KIAA1210: variants seen among roughly 807,000 people sequenced by gnomAD.
KIAA1210 encodes acrosomal protein KIAA1210.
KIAA1210 carries 48 observed loss-of-function variants against 78.9 expected under a neutral mutation model. The ratio of observed to expected loss-of-function variants is 0.61; its 90% CI spans 0.48 to 0.77. The LOEUF (loss-of-function observed/expected upper bound fraction) is 0.77. KIAA1210 is among the 30% of genes least tolerant of loss of function. The probability of loss-of-function intolerance (pLI) is 0.00; values close to 1 mark genes in which losing one functional copy is unlikely to be tolerated. For synonymous variants in KIAA1210, 406 were observed against 404.5 expected (o/e 1.00, Z -0.04); for missense variants, 1,108 against 1,100.0 (o/e 1.01, Z -0.10).
chrX:119,087,388 G>C lies in KIAA1210; in HGVS notation c.3314C>G (p.Ala1105Gly). The change falls in exon 9 of 12, where the codon GCT becomes GGT. Residue 1105 changes from alanine (A) to glycine (G), a missense_variant. Transcript: ENST00000691062. The stretch of plus-strand genomic sequence containing the variant: ...TTTAAAACTGCTGCACTTCCCAGGA[G>C]CTCTCTCTGAATAAGAGAAAACTTT... ...PQKVFSYSERAPGKCSSFKEQ... is the reference protein window; with the variant it reads ...PQKVFSYSERGPGKCSSFKEQ... The C allele has an allele frequency of 8.3e-7, 1 of 1,211,358 alleles. No homozygotes were observed. Among genetic ancestry groups the C allele is most frequent in the Non-Finnish European group, 1.1e-6 (1 of 895,138 alleles).
At position 119,116,748 on chromosome X, in the gene KIAA1210, G is replaced by A. The variant is rs773221424; in HGVS notation, c.62-84C>T. On this transcript the variant is annotated intron_variant, in intron 2 of 11. Coordinates refer to ENST00000691062, the MANE Select transcript of KIAA1210 (RefSeq NM_001394962.1). ...GAAAAAGAGCCTTCATGAGAGGAAA[G>A]AGGACCATGATCCCACCCAGGTGTC... is the stretch of plus-strand genomic sequence containing the variant. 33 of 869,954 alleles carry A rather than the reference G, an allele frequency of 3.8e-5. No homozygotes were observed. The South Asian group carries it at 7.2e-4, about 19-fold the overall frequency. The allele number at this position is 869,954 out of a possible 1,213,427, so 71.7% of individuals were successfully genotyped here.
In KIAA1210 at chrX:119,088,341, A is replaced by G; in HGVS notation, c.2361T>C (p.Val787=). The G allele has an allele frequency of 4.1e-6, 5 of 1,210,777 alleles. No individual in the cohort carries two copies. The highest frequency in any genetic ancestry group is 5.6e-6 in the Non-Finnish European group (5 of 895,079). ...PWVNPKVEQE[V]SSSPKSMAVE... Reference sequence around the variant, plus strand: ...CAGCCATGCTCTTTGGAGATGAGGAAACTTCTTGCTCCACTTTAGGGTTCA... The same window carrying G: ...CAGCCATGCTCTTTGGAGATGAGGAGACTTCTTGCTCCACTTTAGGGTTCA... The change falls in exon 9 of 12, where the codon GTT becomes GTC. Residue 787 remains valine (V), a synonymous_variant. Transcript: ENST00000691062.
At chrX:119,113,209 A>G (rs1254726401) in intron 3 of KIAA1210, among the ~76,000 whole-genome samples, 1 of 111,281 alleles carries the variant, frequency 9.0e-6, no homozygotes, top group Non-Finnish European at 1.9e-5. Context: ...GGACTGGTCA[A>G]TGGGTACAGG....
chrX:119,123,677 A>T (rs998530452), intron 1 of KIAA1210, 25 bp from the exon 2 acceptor site: 14 of 1,050,036 alleles, frequency 1.3e-5, no homozygotes, highest in Non-Finnish European at 1.7e-5. Flanking sequence ...AAAGCAAAAA[A>T]GCAAAATATC....
At chrX:119,127,543 C>T (rs1928682151) in intron 1 of KIAA1210, among the ~76,000 whole-genome samples, 184 bp downstream of exon 1, 1 of 111,059 alleles carries the variant, frequency 9.0e-6, no homozygotes, top group Non-Finnish European at 1.9e-5. Flanking sequence ...TTAGCAGGCA[C>T]TCTGTTGACA....
chrX:119,088,551 A>G lies in KIAA1210; in HGVS notation c.2151T>C (p.Ser717=). 4 of 1,211,302 alleles carry G rather than the reference A, an allele frequency of 3.3e-6. No homozygotes were observed. The highest frequency in any genetic ancestry group is 4.5e-6 in the Non-Finnish European group (4 of 895,199). The change falls in exon 9 of 12, where the codon TCT becomes TCC. Residue 717 remains serine, a synonymous_variant. Transcript: ENST00000691062. ...GCTCTTCAGGAGTATTATTTGAAGC[A>G]GAGGAGACTTCTTGTTGGTTTTTGG... The part of the protein sequence containing the change: ...GKPKNQQEVS[S]ASNNTPEEQN...
chrX:119,128,863 C>T (rs185982106), upstream of KIAA1210, among the ~76,000 whole-genome samples: 290 of 110,495 alleles, frequency 2.6e-3, 1 homozygote, highest in Non-Finnish European at 4.8e-3. Flanking sequence ...TTAGTAGAGA[C>T]GGGGTTTCTC....
Position 119,087,896 on chromosome X carries a change from C to T in KIAA1210, c.2806G>A (p.Asp936Asn). 8.3e-7 allele frequency: 1 copy of T among 1,211,791 alleles called. No homozygotes were observed. The highest frequency in any genetic ancestry group is 1.1e-6 in the Non-Finnish European group (1 of 895,467). The change falls in exon 9 of 12, where the codon GAC becomes AAC. Residue 936 changes from aspartate to asparagine, a missense_variant. By Grantham distance (23) the Asp-to-Asn change is conservative (BLOSUM62 1). Around this residue, in one of 5 missense-constraint regions of KIAA1210, gnomAD observed 179 missense variants for 174.1 expected, o/e 1.03. Coordinates refer to ENST00000691062, the MANE Select transcript of KIAA1210 (RefSeq NM_001394962.1). The stretch of plus-strand genomic sequence containing the variant: ...GGAAGCAGCTGCTCCTTAGAAATGT[C>T]CTCTTCAACAGTAGTGCTTTCTGGA... ...AHPESTTVEE[D>N]ISKEQLLPRH...
intron 2 of KIAA1210, among the ~76,000 whole-genome samples, chrX:119,135,597 C>G (rs1178531732): frequency 9.0e-6 from 1 of 111,633 alleles, no homozygotes; most frequent in Non-Finnish European, 1.9e-5. Flanking sequence ...GAGCTCTGCC[C>G]CCAAATGCTC....
At position 119,087,204 on chromosome X, in the gene KIAA1210, G is replaced by C; in HGVS notation, c.3498C>G (p.Phe1166Leu). 8.3e-7 allele frequency: 1 copy of C among 1,211,614 alleles called. No individual in the cohort carries two copies. The highest frequency in any genetic ancestry group is 1.1e-6 in the Non-Finnish European group (1 of 895,412). Reference protein sequence around the residue: ...HSSQASDRSKFQPQMSSKGPV... With the variant: ...HSSQASDRSKLQPQMSSKGPV... ...GGCCCTTTGATGACATCTGTGGCTG[G>C]AATTTAGACCTATCTGAGGCTTGGG... The change falls in exon 9 of 12, where the codon TTC (phenylalanine) becomes TTG (leucine). Residue 1166 changes from phenylalanine to leucine, a missense_variant. Phe to Leu is a conservative substitution (Grantham distance 22). Transcript: ENST00000691062.
In KIAA1210 at chrX:119,116,508, G is replaced by A; in HGVS notation, c.218C>T (p.Pro73Leu). 1 of 1,211,002 alleles carries A rather than the reference G, an allele frequency of 8.3e-7. No homozygotes were observed. Among genetic ancestry groups the A allele is most frequent in the Non-Finnish European group, 1.1e-6 (1 of 895,064 alleles). Residue 73 changes from proline to leucine, a missense_variant, in exon 3 of 12, where the codon CCA (proline) becomes CTA (leucine). By Grantham distance (98) the Pro-to-Leu change is moderately conservative. Transcript: ENST00000691062. ...SSLQPVRENQPTKARAKSSMG... is the reference protein window; with the variant it reads ...SSLQPVRENQLTKARAKSSMG... ...CATCTGAGCTCACCTGGCCTTAGTTGGTTGATTTTCCCGAACGGGCTGCAG... is the reference window on the plus strand; with the variant it reads ...CATCTGAGCTCACCTGGCCTTAGTTAGTTGATTTTCCCGAACGGGCTGCAG...
At chrX:119,137,426 C>G (rs1204479593) in intron 2 of KIAA1210, among the ~76,000 whole-genome samples, 1 of 112,653 alleles carries the variant, frequency 8.9e-6, no homozygotes, top group Non-Finnish European at 1.9e-5. Flanking sequence ...TTACAAAGCC[C>G]GCGTCCTGAA....
At position 119,087,717 on chromosome X, in the gene KIAA1210, G is replaced by A. The variant is rs1927202034; in HGVS notation, c.2985C>T (p.Thr995=). Reference sequence around the variant, plus strand: ...CAACAGCCATTTTCTCTAGTCGTGAGGTCATTTCCTGAACTTTAGACCTCT... The same window carrying A: ...CAACAGCCATTTTCTCTAGTCGTGAAGTCATTTCCTGAACTTTAGACCTCT... The part of the protein sequence containing the change: ...FLKRSKVQEM[T]SRLEKMAVEG... Residue 995 remains threonine (T), a synonymous_variant, in exon 9 of 12, where the codon ACC becomes ACT. Coordinates refer to ENST00000691062, the MANE Select transcript of KIAA1210 (RefSeq NM_001394962.1). 3.3e-6 allele frequency: 4 copies of A among 1,209,932 alleles called. No individual in the cohort carries two copies. In the South Asian group the frequency reaches 7.0e-5, roughly 21 times the overall value.
At chrX:119,148,059 G>A (rs1162507919) in intron 1 of KIAA1210, among the ~76,000 whole-genome samples, 1 of 111,395 alleles carries the variant, frequency 9.0e-6, no homozygotes, top group African/African-American at 3.3e-5. Context: ...AGGATCACTT[G>A]AGCCCAGGAG....
intron 2 of KIAA1210, among the ~76,000 whole-genome samples, chrX:119,121,904 G>A (rs1569320952): frequency 9.1e-6 from 1 of 109,481 alleles, no homozygotes; most frequent in Non-Finnish European, 1.9e-5. Flanking sequence ...AAGAAGCTGG[G>A]ACTACAGGCA....
At chrX:119,134,696 C>T (rs868380058) in intron 2 of KIAA1210, among the ~76,000 whole-genome samples, 2 of 112,066 alleles carry the variant, frequency 1.8e-5, no homozygotes, top group Middle Eastern at 4.6e-3. Flanking sequence ...CTCTCCACCT[C>T]GCCATCACGA....
rs749102429 is a variant in KIAA1210, at chrX:119,089,174, A to G, written c.1528T>C (p.Ser510Pro). 8.3e-7 allele frequency: 1 copy of G among 1,210,755 alleles called. No individual in the cohort carries two copies. The change falls in exon 9 of 12, where the codon TCA (serine) becomes CCA (proline). Residue 510 changes from serine to proline, a missense_variant. Around this residue, in one of 5 missense-constraint regions of KIAA1210, gnomAD observed 672 missense variants for 607.1 expected, o/e 1.11. Coordinates refer to ENST00000691062, the MANE Select transcript of KIAA1210 (RefSeq NM_001394962.1). Reference protein sequence around the residue: ...LSTTQEEAILSVAAEAQVFMN... With the variant: ...LSTTQEEAILPVAAEAQVFMN... The stretch of plus-strand genomic sequence containing the variant: ...AACACCTGAGCCTCTGCTGCTACTG[A>G]GAGAATGGCCTCCTCTTGGGTTGTA...
upstream of KIAA1210, among the ~76,000 whole-genome samples, chrX:119,150,874 C>G (rs1320344046): frequency 1.8e-5 from 2 of 112,635 alleles, no homozygotes; most frequent in Non-Finnish European, 3.8e-5. Flanking sequence ...GGCCGGCTGG[C>G]GTTCTGCCAC....
intron 2 of KIAA1210, among the ~76,000 whole-genome samples, chrX:119,119,975 C>CAAA (rs11342308): frequency 1.4e-4 from 5 of 35,776 alleles, no homozygotes; most frequent in African/African-American, 3.9e-4. Context: ...GACTCCATCT[C>CAAA]AAAAAAAAAA....
Sources: gnomAD v4.1 joint callset for allele counts (sites outside exome capture counted in the v4.1 genomes callset) on GRCh38, gnomAD v4.1.1 for gene constraint, gnomAD v4.1.1 regional missense constraint, MANE v1.5 for transcripts, NCBI Gene and HGNC (gene_info 2026-07-23, HGNC 2026-07-21) for gene names.